The following TMEM131 variants were observed in gnomAD, a reference collection of about 807,000 sequenced individuals.
TMEM131 encodes the protein transmembrane protein 131.
A neutral mutation model predicts 211.6 loss-of-function variants in TMEM131; 66 were observed. The observed-to-expected ratio is 0.31, with a 90% CI of 0.26 to 0.38. TMEM131 has a LOEUF of 0.38. Ranked by LOEUF, TMEM131 falls within the 10% of genes least tolerant of loss-of-function variation. The pLI, the probability that TMEM131 is intolerant of heterozygous loss-of-function variation, is 1.00. For missense variants in TMEM131, 2,036 were observed against 2,299.3 expected, an observed-to-expected ratio of 0.89 and a Z score of 2.34; for synonymous variants, 844 against 841.3, an observed-to-expected ratio of 1.00 and a Z score of -0.06.
intron 4 of TMEM131, among the ~76,000 whole-genome samples, chr2:97,875,259 T>A (rs976746368): frequency 1.8e-4 from 28 of 152,034 alleles, no homozygotes; most frequent in African/African-American, 6.0e-4. Context: ...TCCCACACAA[T>A]CTAATAGTGG....
chr2:97,895,601 G>C (rs565614258), intron 3 of TMEM131, among the ~76,000 whole-genome samples: 1 of 152,230 alleles, frequency 6.6e-6, no homozygotes, highest in Non-Finnish European at 1.5e-5. Flanking sequence ...ACTTAGGAGG[G>C]TGTATGTGTC....
intron 4 of TMEM131, among the ~76,000 whole-genome samples, chr2:97,879,202 C>T (rs113926814): frequency 1.3e-5 from 2 of 152,272 alleles, no homozygotes; most frequent in African/African-American, 4.8e-5. Flanking sequence ...GAGCAGTCAG[C>T]GAATTTCTTC....
intron 1 of TMEM131, among the ~76,000 whole-genome samples, chr2:97,946,703 G>C (rs1235948300): frequency 6.6e-6 from 1 of 151,254 alleles, no homozygotes; most frequent in Non-Finnish European, 1.5e-5. Context: ...CCAGAAACAG[G>C]AGAAACTCTC....
intron 31 of TMEM131, among the ~76,000 whole-genome samples, chr2:97,789,569 C>T (rs549922276): frequency 2.6e-5 from 4 of 152,232 alleles, no homozygotes; most frequent in Non-Finnish European, 5.9e-5. Flanking sequence ...ATAATCTGCA[C>T]CTGCCTAATG....
intron 11 of TMEM131, chr2:97,827,125 A>G (rs1682430877): frequency 1.9e-6 from 1 of 532,374 alleles, no homozygotes; most frequent in East Asian, 3.4e-5. Flanking sequence ...GTTTTCAACA[A>G]AAGTTTGCTA....
At position 97,838,426 on chromosome 2, in the gene TMEM131, C is replaced by CTTTTT. The variant is rs753635047; in HGVS notation, c.724-1274_724-1270dup. Among the ~76,000 whole-genome samples, 14 of 89,094 alleles carry CTTTTT rather than the reference C, an allele frequency of 1.6e-4. 1 individual carries two copies. The highest frequency in any genetic ancestry group is 4.7e-4 in the African/African-American group (11 of 23,514). 58.4% of individuals were successfully genotyped at this position (89,094 alleles called of 152,430 possible). A position where few individuals can be genotyped will look rare whatever the true frequency, so the allele number is the denominator to read the frequency against. On this transcript the variant is annotated intron_variant, in intron 7 of 40. Coordinates refer to ENST00000186436, the MANE Select transcript of TMEM131 (RefSeq NM_015348.2). The stretch of plus-strand genomic sequence containing the variant: ...AAAAATGGCAATTCTTAAGCTTAAA[C>CTTTTT]TTTTTTTTTTTTTTTTTTTTTTTTT...
At chr2:97,903,589 T>C (rs749976604) in intron 3 of TMEM131, among the ~76,000 whole-genome samples, 6 of 152,158 alleles carry the variant, frequency 3.9e-5, no homozygotes, top group Non-Finnish European at 7.3e-5. Flanking sequence ...ATAGGATGCA[T>C]TGGGAGAGAC....
intron 2 of TMEM131, among the ~76,000 whole-genome samples, chr2:97,913,910 T>C (rs1040112405): frequency 6.6e-6 from 1 of 152,190 alleles, no homozygotes; most frequent in African/African-American, 2.4e-5. Context: ...GGAGCCAGTT[T>C]CCTTGCAGGC....
intron 1 of TMEM131, among the ~76,000 whole-genome samples, chr2:97,961,363 C>T (rs1678808387): frequency 6.6e-6 from 1 of 151,972 alleles, no homozygotes; most frequent in Non-Finnish European, 1.5e-5. Flanking sequence ...AAATACAATT[C>T]CCTATACAAC....
intron 11 of TMEM131, among the ~76,000 whole-genome samples, chr2:97,825,816 T>G (rs979984606): frequency 6.6e-6 from 1 of 152,198 alleles, no homozygotes; most frequent in Non-Finnish European, 1.5e-5. Flanking sequence ...GCAGTGGCCA[T>G]CTTAGTGTCA....
In TMEM131 at chr2:97,805,588, C is replaced by T; in HGVS notation, c.2171G>A (p.Gly724Asp). The part of the protein sequence containing the change: ...DVRFYYKRLR[G>D]NKEDLEPGKK... ...TCCTGGCTCCAAGTCTTCCTTATTG[C>T]CCCGTAATCGTTTATAGTAAAATCG... The change falls in exon 20 of 41, where the codon GGC (glycine) becomes GAC (aspartate). Residue 724 changes from glycine (G) to aspartate (D), a missense_variant. By Grantham distance (94) the Gly-to-Asp change is moderately conservative. Around this residue, in one of 3 missense-constraint regions of TMEM131, gnomAD observed 1,623 missense variants for 1,805.9 expected, o/e 0.90. Transcript: ENST00000186436. The T allele has an allele frequency of 1.2e-6, 2 of 1,611,000 alleles. No individual in the cohort carries two copies. The highest frequency in any genetic ancestry group is 2.2e-5 in the East Asian group (1 of 44,790).
chr2:97,793,488 C>A lies in TMEM131; in HGVS notation c.3452G>T (p.Arg1151Leu), dbSNP rs763266549. ...LEAQGIWEPF[R>L]RRLSFEASNP... ...CGAGGCCTCAAAGGATAGCCGCCTT[C>A]GAAATGGCTCCCATATTCCTTGAGC... Residue 1151 changes from arginine (R) to leucine (L), a missense_variant, in exon 30 of 41, where the codon CGA becomes CTA. Physicochemically the swap from Arg to Leu is moderately radical, Grantham distance 102. Transcript: ENST00000186436. 1 of 1,613,896 alleles carries A rather than the reference C, an allele frequency of 6.2e-7. No individual in the cohort carries two copies. The highest frequency in any genetic ancestry group is 1.1e-5 in the South Asian group (1 of 91,074).
chr2:97,957,329 T>C (rs1678617344), intron 1 of TMEM131, among the ~76,000 whole-genome samples: 1 of 152,224 alleles, frequency 6.6e-6, no homozygotes, highest in Admixed American at 6.5e-5. Context: ...AGCATTACTA[T>C]GAATTTTAGT....
At chr2:97,944,955 TA>T (rs1285744474) in intron 1 of TMEM131, among the ~76,000 whole-genome samples, 37 of 152,312 alleles carry the variant, frequency 2.4e-4, no homozygotes, top group Admixed American at 1.4e-3. Flanking sequence ...ATTATACTCT[TA>T]TGTATATACA....
Position 97,856,313 on chromosome 2 carries a change from T to C in TMEM131, c.483+2991A>G, listed in dbSNP as rs146674702. 2.6e-3 allele frequency among the ~76,000 whole-genome samples: 390 copies of C among 152,238 alleles called. 1 individual carries two copies. Among genetic ancestry groups the C allele is most frequent in the Non-Finnish European group, 4.4e-3 (297 of 68,004 alleles). On this transcript the variant is annotated intron_variant, in intron 5 of 40. Transcript: ENST00000186436. ...TATTCAATTAACAGATAATTATAGA[T>C]AATTACAAAAACTTATATACAGAGA...
At chr2:97,918,409 G>A (rs1676601173) in intron 2 of TMEM131, among the ~76,000 whole-genome samples, 1 of 152,076 alleles carries the variant, frequency 6.6e-6, no homozygotes, top group Non-Finnish European at 1.5e-5. Flanking sequence ...CCAGATTACT[G>A]CACAACTAGC....
intron 1 of TMEM131, among the ~76,000 whole-genome samples, chr2:97,953,025 AAAG>A (rs1298964337): frequency 6.6e-6 from 1 of 152,256 alleles, no homozygotes; most frequent in Non-Finnish European, 1.5e-5. Context: ...GCCTACGCTT[AAAG>A]AAGGTCTAAA....
At chr2:97,804,447 G>A (rs1315375945) in intron 22 of TMEM131, among the ~76,000 whole-genome samples, 1 of 151,800 alleles carries the variant, frequency 6.6e-6, no homozygotes, top group African/African-American at 2.4e-5. Context: ...GGTGGATCAC[G>A]AGGTCAAGAG....
intron 36 of TMEM131, chr2:97,761,792 T>G: frequency 6.8e-6 from 3 of 444,108 alleles, no homozygotes; most frequent in South Asian, 3.9e-5. Context: ...AAATGGTGCA[T>G]TTCTCGGTCC....
Sources: gnomAD v4.1 joint callset for allele counts (sites outside exome capture counted in the v4.1 genomes callset) on GRCh38, gnomAD v4.1.1 for gene constraint, gnomAD v4.1.1 regional missense constraint, MANE v1.5 for transcripts, NCBI Gene and HGNC (gene_info 2026-07-23, HGNC 2026-07-21) for gene names.